The following NAALADL2 variants were observed in gnomAD, a reference collection of about 807,000 sequenced individuals.
NAALADL2 encodes N-acetylated alpha-linked acidic dipeptidase like 2, also known as inactive N-acetylated-alpha-linked acidic dipeptidase-like protein 2.
A neutral mutation model predicts 87.2 loss-of-function variants in NAALADL2; 76 were observed. The ratio of observed to expected loss-of-function variants is 0.87; its 90% CI spans 0.72 to 1.05. The LOEUF is 1.05. Among genes scored for constraint, NAALADL2 ranks in the 50% least tolerant of loss-of-function variants. NAALADL2 has a pLI of 0.00. For missense variants in NAALADL2, 1,089 were observed against 945.8 expected (o/e 1.15, Z -1.99); for synonymous variants, 354 against 331.0 (o/e 1.07, Z -0.75).
At chr3:175,652,254 T>C (rs958187582) in intron 11 of NAALADL2, among the ~76,000 whole-genome samples, 2 of 152,116 alleles carry the variant, frequency 1.3e-5, no homozygotes, top group Admixed American at 6.5e-5. Context: ...ACTTTATTTA[T>C]ATGGGGAGGC....
At chr3:175,758,833 A>T (rs532436923) in intron 13 of NAALADL2, among the ~76,000 whole-genome samples, 2 of 152,140 alleles carry the variant, frequency 1.3e-5, no homozygotes, top group Non-Finnish European at 2.9e-5. Context: ...TGTTATTCAC[A>T]TAAGAATCTC....
chr3:175,750,794 A>G (rs368938582), intron 12 of NAALADL2, among the ~76,000 whole-genome samples: 15 of 152,112 alleles, frequency 9.9e-5, no homozygotes, highest in East Asian at 5.8e-4. Context: ...TCATGTGACA[A>G]TTATTGTGTG....
intron 1 of NAALADL2, among the ~76,000 whole-genome samples, chr3:174,937,677 A>G (rs1307807692): frequency 6.6e-6 from 1 of 152,078 alleles, no homozygotes; most frequent in Non-Finnish European, 1.5e-5. Flanking sequence ...GTTAGTGACT[A>G]TTGCTGATCT....
At chr3:175,055,473 T>C (rs1289601347) in intron 1 of NAALADL2, among the ~76,000 whole-genome samples, 1 of 152,198 alleles carries the variant, frequency 6.6e-6, no homozygotes, top group East Asian at 1.9e-4. Flanking sequence ...GGCTCACAGC[T>C]TTTGTACAGC....
intron 2 of NAALADL2, among the ~76,000 whole-genome samples, chr3:175,152,923 A>C (rs1477362012): frequency 6.6e-6 from 1 of 152,118 alleles, no homozygotes; most frequent in South Asian, 2.1e-4. Flanking sequence ...AAGAAAAAAA[A>C]ATTCTAATGT....
intron 9 of NAALADL2, among the ~76,000 whole-genome samples, chr3:175,511,276 A>C (rs1582193662): frequency 6.6e-6 from 1 of 152,324 alleles, no homozygotes; most frequent in South Asian, 2.1e-4. Context: ...TTTATGTTGA[A>C]GCCCTAGTCT....
chr3:175,140,332 A>AATGTACT (rs2108717936), intron 2 of NAALADL2, among the ~76,000 whole-genome samples: 1 of 152,232 alleles, frequency 6.6e-6, no homozygotes, highest in South Asian at 2.1e-4. Flanking sequence ...GGGACTAGAA[A>AATGTACT]ATGTACTATA....
chr3:175,475,456 T>C (rs1725557155), intron 9 of NAALADL2, among the ~76,000 whole-genome samples: 1 of 152,356 alleles, frequency 6.6e-6, no homozygotes, highest in African/African-American at 2.4e-5. Flanking sequence ...ACAGAATGTA[T>C]TGATTTTGCC....
chr3:174,470,052 C>T (rs919922191), intron 1 of NAALADL2, among the ~76,000 whole-genome samples: 1 of 150,944 alleles, frequency 6.6e-6, no homozygotes, highest in Non-Finnish European at 1.5e-5. Context: ...AAAGAAAATT[C>T]TAAATTGTAC....
chr3:174,555,443 G>A (rs1476005724), intron 2 of NAALADL2, among the ~76,000 whole-genome samples: 6 of 152,136 alleles, frequency 3.9e-5, no homozygotes, highest in Non-Finnish European at 7.4e-5. Flanking sequence ...GGGATTACAG[G>A]CGCCCACCAC....
chr3:175,082,174 C>T (rs913148435), intron 1 of NAALADL2, among the ~76,000 whole-genome samples: 1 of 152,176 alleles, frequency 6.6e-6, no homozygotes, highest in Non-Finnish European at 1.5e-5. Flanking sequence ...TTCTGTCTGA[C>T]ACCCAGTGCA....
intron 3 of NAALADL2, among the ~76,000 whole-genome samples, chr3:174,833,995 C>T (rs1371773642): frequency 6.7e-6 from 1 of 150,312 alleles, no homozygotes; most frequent in African/African-American, 2.5e-5. Flanking sequence ...GGGAATAGGA[C>T]AAAATGTCTA....
At chr3:174,697,787 C>T (rs1191267592) in intron 2 of NAALADL2, among the ~76,000 whole-genome samples, 3 of 151,774 alleles carry the variant, frequency 2.0e-5, no homozygotes, top group African/African-American at 7.3e-5. Flanking sequence ...TCTTATATAC[C>T]CATAAAATAA....
chr3:174,500,170 A>T (rs1180930553), intron 1 of NAALADL2, among the ~76,000 whole-genome samples: 1 of 152,006 alleles, frequency 6.6e-6, no homozygotes, highest in Non-Finnish European at 1.5e-5. Flanking sequence ...ATATTTCATA[A>T]TTTTGATGTG....
intron 9 of NAALADL2, among the ~76,000 whole-genome samples, chr3:175,573,036 G>T (rs1272781580): frequency 6.6e-6 from 1 of 152,134 alleles, no homozygotes; most frequent in African/African-American, 2.4e-5. Context: ...AACTAATGAT[G>T]ACAATGAAAA....
intron 1 of NAALADL2, among the ~76,000 whole-genome samples, chr3:174,864,524 A>G (rs543283809): frequency 1.3e-5 from 2 of 152,100 alleles, no homozygotes; most frequent in Non-Finnish European, 2.9e-5. Flanking sequence ...TTACATTTCA[A>G]TTAAAGTCAC....
intron 5 of NAALADL2, among the ~76,000 whole-genome samples, chr3:175,415,382 C>T (rs1714428649): frequency 6.6e-6 from 1 of 152,034 alleles, no homozygotes; most frequent in African/African-American, 2.4e-5. Context: ...CACTAAAGAA[C>T]AACTCGGTTA....
At chr3:175,650,169 C>T (rs766318324) in intron 11 of NAALADL2, among the ~76,000 whole-genome samples, 1 of 151,122 alleles carries the variant, frequency 6.6e-6, no homozygotes, top group East Asian at 1.9e-4. Context: ...CATGCTTCAA[C>T]GTGGGTGAAC....
intron 1 of NAALADL2, among the ~76,000 whole-genome samples, chr3:174,471,657 T>C (rs939248431): frequency 6.6e-6 from 1 of 152,106 alleles, no homozygotes; most frequent in African/African-American, 2.4e-5. Flanking sequence ...TGGGTTTGAA[T>C]CCTAGCCCCA....
Sources: allele counts gnomAD v4.1 joint callset (sites outside exome capture counted in the v4.1 genomes callset), GRCh38; gene constraint gnomAD v4.1.1; transcripts MANE v1.5; gene names NCBI Gene and HGNC (gene_info 2026-07-23, HGNC 2026-07-21).